The following SNTG1 variants were observed in gnomAD, a reference collection of about 807,000 sequenced individuals.
The protein encoded by SNTG1 is syntrophin gamma 1.
A neutral mutation model predicts 74.7 loss-of-function variants in SNTG1; 39 were observed. That is an observed-to-expected ratio of 0.52 (90% confidence interval 0.40 to 0.68). The LOEUF (loss-of-function observed/expected upper bound fraction) is 0.68. Among genes scored for constraint, SNTG1 ranks in the 30% least tolerant of loss-of-function variants. The probability of loss-of-function intolerance (pLI) is 0.00; values close to 1 mark genes in which losing one functional copy is unlikely to be tolerated. For synonymous variants in SNTG1, 254 were observed against 217.1 expected, an observed-to-expected ratio of 1.17 and a Z score of -1.49; for missense variants, 685 against 609.5, an observed-to-expected ratio of 1.12 and a Z score of -1.30.
At chr8:50,714,658 G>T (rs903588931) in intron 17 of SNTG1, among the ~76,000 whole-genome samples, 1 of 152,046 alleles carries the variant, frequency 6.6e-6, no homozygotes, top group Non-Finnish European at 1.5e-5. Context: ...GGAGGAAAAT[G>T]ATCAGAGTGT....
At chr8:50,587,935 C>T (rs1220158468) in intron 12 of SNTG1, among the ~76,000 whole-genome samples, 1 of 151,436 alleles carries the variant, frequency 6.6e-6, no homozygotes, top group Non-Finnish European at 1.5e-5. Flanking sequence ...CATGGTGAAA[C>T]CCTATCTCTA....
intron 1 of SNTG1, among the ~76,000 whole-genome samples, chr8:50,088,765 C>G (rs1258170658): frequency 1.3e-4 from 19 of 148,550 alleles, no homozygotes; most frequent in East Asian, 6.0e-4. Flanking sequence ...AGGATACAAA[C>G]AAATGGAAGA....
intron 1 of SNTG1, among the ~76,000 whole-genome samples, chr8:50,118,566 G>T (rs951115602): frequency 6.9e-6 from 1 of 144,228 alleles, no homozygotes; most frequent in African/African-American, 2.5e-5. Flanking sequence ...GCTAACACGT[G>T]GCCAAGCCAA....
intron 15 of SNTG1, among the ~76,000 whole-genome samples, chr8:50,682,884 TA>T (rs1248714049): frequency 6.6e-6 from 1 of 152,176 alleles, no homozygotes; most frequent in Non-Finnish European, 1.5e-5. Flanking sequence ...ATAGCTTAAA[TA>T]GTTTACTCTT....
chr8:50,137,828 A>C (rs1055232348), intron 1 of SNTG1, among the ~76,000 whole-genome samples: 3 of 152,078 alleles, frequency 2.0e-5, no homozygotes, highest in Non-Finnish European at 4.4e-5. Context: ...CTTGGAGGCG[A>C]CTGTCCAGAG....
intron 1 of SNTG1, among the ~76,000 whole-genome samples, chr8:50,041,364 A>T (rs948372509): frequency 6.6e-6 from 1 of 152,216 alleles, no homozygotes; most frequent in African/African-American, 2.4e-5. Context: ...GAAATTTTTC[A>T]TAATAAAACA....
chr8:50,129,971 A>G (rs2081266828), intron 1 of SNTG1, among the ~76,000 whole-genome samples: 1 of 152,056 alleles, frequency 6.6e-6, no homozygotes, highest in African/African-American at 2.4e-5. Context: ...AATTCATATA[A>G]AGAGTTAATA....
chr8:50,160,346 A>G (rs937360628), intron 1 of SNTG1, among the ~76,000 whole-genome samples: 6 of 152,194 alleles, frequency 3.9e-5, no homozygotes, highest in African/African-American at 1.4e-4. Context: ...TCTAATGGTA[A>G]CTGGTAACCT....
intron 18 of SNTG1, among the ~76,000 whole-genome samples, chr8:50,764,497 G>A (rs751206709): frequency 1.3e-4 from 20 of 151,962 alleles, no homozygotes; most frequent in Non-Finnish European, 2.2e-4. Flanking sequence ...CATAATAATG[G>A]CCAACATTTA....
rs2095097765 is a variant in SNTG1, at chr8:50,644,918, GCT to G, written c.850-11990_850-11989del. Among the ~76,000 whole-genome samples the G allele has an allele frequency of 3.0e-5, 4 of 134,724 alleles. No homozygotes were observed. The South Asian group carries it at 9.5e-4, about 32-fold the overall frequency. The allele number at this position is 134,724 out of a possible 152,430, so 88.4% of individuals were successfully genotyped here. On this transcript the variant is annotated intron_variant, in intron 13 of 18. Coordinates refer to ENST00000642720, the MANE Select transcript of SNTG1 (RefSeq NM_018967.5). ...AAAGAAACACTTGCTATGCCCAGGT[GCT>G]TTTTTTTTTTTTTTTTCCTACAGAT... is the stretch of plus-strand genomic sequence containing the variant.
chr8:50,154,570 A>G (rs1285198746), intron 1 of SNTG1, among the ~76,000 whole-genome samples: 1 of 152,186 alleles, frequency 6.6e-6, no homozygotes, highest in Non-Finnish European at 1.5e-5. Flanking sequence ...GGCAAGGTAT[A>G]TGTTACCAGA....
At chr8:50,569,093 T>C (rs1435739248) in intron 12 of SNTG1, 1 of 152,198 alleles carries the variant, frequency 6.6e-6, no homozygotes, top group Non-Finnish European at 1.5e-5. Context: ...GACAATTCTT[T>C]ATGGGGTCGG....
chr8:50,016,563 ACCACCAC>A (rs1816335739), intron 1 of SNTG1, among the ~76,000 whole-genome samples: 1 of 152,062 alleles, frequency 6.6e-6, no homozygotes, highest in African/African-American at 2.4e-5. Flanking sequence ...AGCTTCTTGA[ACCACCAC>A]TGCACTGTAT....
intron 13 of SNTG1, among the ~76,000 whole-genome samples, chr8:50,597,826 T>C (rs2094741794): frequency 6.6e-6 from 1 of 152,024 alleles, no homozygotes; most frequent in Non-Finnish European, 1.5e-5. Context: ...TTTTGAGCAT[T>C]TTTAAATGTA....
At chr8:50,502,647 CTT>C in intron 8 of SNTG1, 129 bp from the exon 9 acceptor site, 1 of 677,986 alleles carries the variant, frequency 1.5e-6, no homozygotes, top group Non-Finnish European at 2.5e-6. Flanking sequence ...CTCCCTCTAT[CTT>C]TTATAAAATG....
intron 1 of SNTG1, among the ~76,000 whole-genome samples, chr8:50,149,767 C>A (rs947306970): frequency 2.6e-5 from 4 of 152,118 alleles, no homozygotes; most frequent in African/African-American, 9.7e-5. Flanking sequence ...GTTTTGGTAC[C>A]AGTACCATTG....
intron 2 of SNTG1, among the ~76,000 whole-genome samples, chr8:50,333,586 A>G (rs983346759): frequency 6.6e-6 from 1 of 152,232 alleles, no homozygotes; most frequent in Non-Finnish European, 1.5e-5. Flanking sequence ...AGCATTACCT[A>G]GCAGTAGCAA....
intron 8 of SNTG1, among the ~76,000 whole-genome samples, chr8:50,477,671 T>C (rs2093707479): frequency 6.6e-6 from 1 of 152,178 alleles, no homozygotes; most frequent in Non-Finnish European, 1.5e-5. Flanking sequence ...GGATACTGAC[T>C]CATTAACTGT....
At chr8:50,358,905 A>T (rs2091888161) in intron 2 of SNTG1, among the ~76,000 whole-genome samples, 3 of 152,188 alleles carry the variant, frequency 2.0e-5, no homozygotes, top group African/African-American at 4.8e-5. Flanking sequence ...TGTTCCATGT[A>T]AGTTAACGCA....
Sources: gnomAD v4.1 joint callset for allele counts (sites outside exome capture counted in the v4.1 genomes callset) on GRCh38, gnomAD v4.1.1 for gene constraint, MANE v1.5 for transcripts, NCBI Gene and HGNC (gene_info 2026-07-23, HGNC 2026-07-21) for gene names.